The following PCDH9 variants were observed in gnomAD, a reference collection of about 807,000 sequenced individuals.
PCDH9 encodes protocadherin-9.
In PCDH9, 24 loss-of-function variants were observed where a neutral mutation model predicts 70.6. That is an observed-to-expected ratio of 0.34 (90% CI 0.25 to 0.48). The LOEUF is 0.48. Among genes scored for constraint, PCDH9 ranks in the 20% least tolerant of loss-of-function variants. The pLI is 0.99. For synonymous variants in PCDH9, 562 were observed against 558.5 expected (o/e 1.01, Z -0.09); for missense variants, 1,281 against 1,503.6 (o/e 0.85, Z 2.45).
chr13:66,702,951 C>G (rs1007594573), intron 3 of PCDH9, among the ~76,000 whole-genome samples: 1 of 152,038 alleles, frequency 6.6e-6, no homozygotes, highest in Non-Finnish European at 1.5e-5. Context: ...TTTTGAAACA[C>G]AAAATGCCAA....
At chr13:66,700,938 ATAT>A (rs2078635075) in intron 3 of PCDH9, among the ~76,000 whole-genome samples, 1 of 114,842 alleles carries the variant, frequency 8.7e-6, no homozygotes, top group East Asian at 2.8e-4. Context: ...ATATATATAT[ATAT>A]ATATATATAT....
intron 2 of PCDH9, among the ~76,000 whole-genome samples, chr13:67,104,188 T>C (rs2086489410): frequency 6.6e-6 from 1 of 152,208 alleles, no homozygotes; most frequent in Non-Finnish European, 1.5e-5. Flanking sequence ...ATCATGTTGC[T>C]TTTAGGCTAG....
intron 4 of PCDH9, among the ~76,000 whole-genome samples, chr13:66,517,078 C>T (rs1959771085): frequency 1.3e-5 from 2 of 151,998 alleles, no homozygotes; most frequent in African/African-American, 4.8e-5. Flanking sequence ...GATATGTAGG[C>T]CAGTAGACAA....
intron 2 of PCDH9, among the ~76,000 whole-genome samples, chr13:66,981,231 G>A (rs893915614): frequency 1.3e-5 from 2 of 152,112 alleles, no homozygotes; most frequent in Admixed American, 1.3e-4. Flanking sequence ...GAGGTGCGGA[G>A]ATCAAGACCA....
At chr13:66,811,677 CCTGT>C (rs1367706435) in intron 3 of PCDH9, among the ~76,000 whole-genome samples, 1 of 150,222 alleles carries the variant, frequency 6.7e-6, no homozygotes, top group African/African-American at 2.5e-5. Context: ...TTCCTGCCTG[CCTGT>C]CTGCCTTCTT....
chr13:66,421,464 C>T (rs1378844535), intron 4 of PCDH9, among the ~76,000 whole-genome samples: 1 of 151,444 alleles, frequency 6.6e-6, no homozygotes, highest in African/African-American at 2.4e-5. Context: ...GCCCATCAGA[C>T]TAACAGAAGC....
At chr13:67,146,058 A>G (rs1253213431) in intron 2 of PCDH9, among the ~76,000 whole-genome samples, 2 of 152,114 alleles carry the variant, frequency 1.3e-5, no homozygotes, top group Non-Finnish European at 2.9e-5. Flanking sequence ...CAGATTTAAT[A>G]GGACTCTTTT....
chr13:67,148,809 A>G (rs549052592), intron 2 of PCDH9, among the ~76,000 whole-genome samples: 1 of 152,222 alleles, frequency 6.6e-6, no homozygotes, highest in Non-Finnish European at 1.5e-5. Flanking sequence ...TGGCAAAAAT[A>G]TAGCCACTGA....
At chr13:67,142,776 G>T (rs574452930) in intron 2 of PCDH9, among the ~76,000 whole-genome samples, 1 of 151,682 alleles carries the variant, frequency 6.6e-6, no homozygotes. Context: ...CGAGGCGGGC[G>T]GACCATGAGG....
chr13:66,915,335 T>C (rs1461089617), intron 2 of PCDH9, among the ~76,000 whole-genome samples: 1 of 151,646 alleles, frequency 6.6e-6, no homozygotes, highest in Admixed American at 6.6e-5. Context: ...TAAGCTCTTT[T>C]ATAGAAGTTT....
chr13:66,324,426 T>C (rs900139580), intron 4 of PCDH9, among the ~76,000 whole-genome samples: 1 of 152,066 alleles, frequency 6.6e-6, no homozygotes, highest in Non-Finnish European at 1.5e-5. Context: ...ATAAAGTGAC[T>C]TGCTAAAGGT....
chr13:66,658,811 G>A (rs935836785), intron 3 of PCDH9, among the ~76,000 whole-genome samples: 1 of 152,068 alleles, frequency 6.6e-6, no homozygotes, highest in African/African-American at 2.4e-5. Context: ...ATATCCAAGA[G>A]GAGGAAAAGA....
chr13:66,846,952 AATAAG>A (rs1246128219), intron 3 of PCDH9, among the ~76,000 whole-genome samples: 2 of 151,964 alleles, frequency 1.3e-5, no homozygotes, highest in Non-Finnish European at 2.9e-5. Context: ...TTTCCTGATA[AATAAG>A]ATAACTTATT....
At chr13:66,860,341 G>A (rs903961073) in intron 3 of PCDH9, among the ~76,000 whole-genome samples, 4 of 152,126 alleles carry the variant, frequency 2.6e-5, no homozygotes, top group Non-Finnish European at 5.9e-5. Context: ...GGCTGGGGGA[G>A]GGGAGGGGTG....
In PCDH9 at chr13:66,799,918, T is replaced by C. The variant is rs12869040; in HGVS notation, c.3138+103586A>G. Among the ~76,000 whole-genome samples the C allele has an allele frequency of 4.3e-3, 657 of 152,234 alleles. 1 individual carries two copies. The highest frequency in any genetic ancestry group is 6.5e-3 in the Non-Finnish European group (440 of 68,010). ...GTCTGACTGTATTCCACTACATCCATCATACCATCTTGGCCCTGGTCAACT... is the reference window on the plus strand; with the variant it reads ...GTCTGACTGTATTCCACTACATCCACCATACCATCTTGGCCCTGGTCAACT... On this transcript the variant is annotated intron_variant, in intron 3 of 4. Coordinates refer to ENST00000377865, the MANE Select transcript of PCDH9 (RefSeq NM_203487.3).
intron 2 of PCDH9, among the ~76,000 whole-genome samples, chr13:67,092,541 T>G (rs2086238536): frequency 6.6e-6 from 1 of 152,164 alleles, no homozygotes; most frequent in Non-Finnish European, 1.5e-5. Flanking sequence ...CCATTGAGAT[T>G]TGAACTACTG....
chr13:66,509,302 CT>C (rs1394077020), intron 4 of PCDH9, among the ~76,000 whole-genome samples: 2 of 152,064 alleles, frequency 1.3e-5, no homozygotes, highest in Admixed American at 6.5e-5. Context: ...CAGACAATGT[CT>C]TTTTCAAGAA....
chr13:66,936,889 T>C (rs1005912543), intron 2 of PCDH9, among the ~76,000 whole-genome samples: 1 of 152,176 alleles, frequency 6.6e-6, no homozygotes, highest in Non-Finnish European at 1.5e-5. Flanking sequence ...TTGACATATA[T>C]CATAAATGTA....
intron 4 of PCDH9, among the ~76,000 whole-genome samples, chr13:66,478,343 C>T (rs1183615467): frequency 1.3e-5 from 2 of 152,114 alleles, no homozygotes; most frequent in Non-Finnish European, 2.9e-5. Flanking sequence ...AGTAAGCCTA[C>T]GATGGCCTCT....
Sources: gnomAD v4.1 joint callset for allele counts (sites outside exome capture counted in the v4.1 genomes callset) on GRCh38, gnomAD v4.1.1 for gene constraint, MANE v1.5 for transcripts, NCBI Gene and HGNC (gene_info 2026-07-23, HGNC 2026-07-21) for gene names.